The following PTPN13 variants were observed in gnomAD, a reference collection of about 807,000 sequenced individuals.
PTPN13 encodes tyrosine-protein phosphatase non-receptor type 13.
In PTPN13, 191 loss-of-function variants were observed where a neutral mutation model predicts 284.0. The observed-to-expected ratio is 0.67, with a 90% CI of 0.60 to 0.76. The LOEUF (loss-of-function observed/expected upper bound fraction) is 0.76. Among genes scored for constraint, PTPN13 ranks in the 30% least tolerant of loss-of-function variants. The probability of loss-of-function intolerance (pLI) is 0.00; values close to 1 mark genes in which losing one functional copy is unlikely to be tolerated. For missense variants in PTPN13, 2,797 were observed against 2,939.9 expected (o/e 0.95, Z 1.12); for synonymous variants, 986 against 1,022.3 (o/e 0.96, Z 0.68).
At chr4:86,723,401 A>G (rs903019874) in intron 10 of PTPN13, among the ~76,000 whole-genome samples, 8 of 152,284 alleles carry the variant, frequency 5.3e-5, no homozygotes, top group African/African-American at 1.4e-4. Flanking sequence ...ACTGCGTTGC[A>G]TGTTCCTTAT....
chr4:86,732,839 A>G lies in PTPN13; in HGVS notation c.1858+73A>G, dbSNP rs145513257. The stretch of plus-strand genomic sequence containing the variant: ...AAGCAGACTTCCTATGTTTGTTACC[A>G]TGCCTGACCTCATTTTGACAATTAG... On this transcript the variant is annotated intron_variant, in intron 12 of 47. Transcript: ENST00000411767. The G allele has an allele frequency of 3.1e-6, 4 of 1,308,604 alleles. No individual in the cohort carries two copies. In the African/African-American group the frequency reaches 4.4e-5, roughly 14 times the overall value. 81.1% of individuals were successfully genotyped at this position (1,308,604 alleles called of 1,614,324 possible). A position where few individuals can be genotyped will look rare whatever the true frequency, so the allele number is the denominator to read the frequency against.
At chr4:86,688,492 T>A (rs1729669617) in intron 4 of PTPN13, among the ~76,000 whole-genome samples, 1 of 151,956 alleles carries the variant, frequency 6.6e-6, no homozygotes. Flanking sequence ...AAAAAAACCC[T>A]CACATTCTGG....
intron 20 of PTPN13, among the ~76,000 whole-genome samples, chr4:86,755,033 G>A (rs576728891): frequency 6.6e-6 from 1 of 152,064 alleles, no homozygotes; most frequent in Admixed American, 6.6e-5. Flanking sequence ...TGTAACTAAG[G>A]ATCAAAAAGT....
At chr4:86,674,546 T>C (rs112042067) in intron 3 of PTPN13, among the ~76,000 whole-genome samples, 1 of 152,192 alleles carries the variant, frequency 6.6e-6, no homozygotes, top group African/African-American at 2.4e-5. Flanking sequence ...GAAAAAAGAC[T>C]GACAAGAATT....
At chr4:86,628,002 A>G (rs1722030851) in intron 1 of PTPN13, among the ~76,000 whole-genome samples, 3 of 152,154 alleles carry the variant, frequency 2.0e-5, no homozygotes, top group South Asian at 4.1e-4. Context: ...AGCTGTTACA[A>G]TTAAAACTGC....
chr4:86,685,077 T>C (rs184931511), intron 3 of PTPN13, among the ~76,000 whole-genome samples: 27 of 152,338 alleles, frequency 1.8e-4, no homozygotes, highest in African/African-American at 4.1e-4. Context: ...AATCTCCTTA[T>C]CTACTCAACA....
At chr4:86,615,855 C>T (rs1720489382) in intron 1 of PTPN13, among the ~76,000 whole-genome samples, 1 of 152,176 alleles carries the variant, frequency 6.6e-6, no homozygotes, top group Non-Finnish European at 1.5e-5. Context: ...ATCTCCTACT[C>T]TCTTCCCCAA....
At chr4:86,625,159 G>A (rs1721690026) in intron 1 of PTPN13, among the ~76,000 whole-genome samples, 1 of 152,008 alleles carries the variant, frequency 6.6e-6, no homozygotes, top group Non-Finnish European at 1.5e-5. Context: ...TTTACCTATT[G>A]CTTACCCACC....
intron 41 of PTPN13, among the ~76,000 whole-genome samples, chr4:86,798,452 T>C (rs544897135): frequency 1.9e-4 from 29 of 152,242 alleles, no homozygotes; most frequent in Admixed American, 5.9e-4. Context: ...CTCTGCTTTG[T>C]TCCCCCTGAA....
chr4:86,729,415 G>C lies in PTPN13; in HGVS notation c.1609-2985G>C, dbSNP rs533124172. ...TTTCTAGGTTGGAGAAGTTCTCCTG[G>C]ATAATATCCTGCAGAGTGTTTTCCA... On this transcript the variant is annotated intron_variant, in intron 10 of 47. Coordinates refer to ENST00000411767, the MANE Select transcript of PTPN13 (RefSeq NM_080683.3). Among the ~76,000 whole-genome samples, 62 of 149,612 alleles carry C rather than the reference G, an allele frequency of 4.1e-4. 2 individuals are homozygous for C. Among genetic ancestry groups the C allele is most frequent in the African/African-American group, 1.5e-3 (61 of 41,064 alleles).
intron 2 of PTPN13, among the ~76,000 whole-genome samples, chr4:86,660,816 TTTTAA>T (rs1328143322): frequency 6.6e-6 from 1 of 152,168 alleles, no homozygotes. Flanking sequence ...ATACACTGTG[TTTTAA>T]TTTAAAACTA....
intron 43 of PTPN13, among the ~76,000 whole-genome samples, chr4:86,804,531 C>T (rs138606613): frequency 1.1e-4 from 16 of 152,276 alleles, no homozygotes; most frequent in African/African-American, 3.4e-4. Flanking sequence ...CTCTTCTCAT[C>T]GCCATGCTAT....
intron 1 of PTPN13, among the ~76,000 whole-genome samples, chr4:86,615,843 A>G (rs957958787): frequency 6.6e-6 from 1 of 152,230 alleles, no homozygotes; most frequent in African/African-American, 2.4e-5. Flanking sequence ...GATAGACATC[A>G]TATCTCCTAC....
At chr4:86,658,702 A>T (rs1414498367) in intron 2 of PTPN13, among the ~76,000 whole-genome samples, 1 of 152,226 alleles carries the variant, frequency 6.6e-6, no homozygotes, top group Non-Finnish European at 1.5e-5. Flanking sequence ...AGGAAAACCA[A>T]GAGGATAGGA....
At chr4:86,683,854 T>C (rs1729159387) in intron 3 of PTPN13, among the ~76,000 whole-genome samples, 1 of 152,170 alleles carries the variant, frequency 6.6e-6, no homozygotes, top group Non-Finnish European at 1.5e-5. Context: ...AAAATTAATA[T>C]AATTGAGCAT....
chr4:86,796,140 G>A (rs1248656631), intron 40 of PTPN13, among the ~76,000 whole-genome samples: 1 of 152,138 alleles, frequency 6.6e-6, no homozygotes. Flanking sequence ...TAAAGTATGA[G>A]TTGACTAATC....
intron 1 of PTPN13, chr4:86,595,751 A>C: frequency 1.0e-6 from 1 of 985,816 alleles, no homozygotes; most frequent in Non-Finnish European, 1.2e-6. Context: ...CCTGAACAAA[A>C]TGTAGGACAC....
At chr4:86,797,037 TA>T in intron 41 of PTPN13, 108 bp downstream of exon 41, 1 of 791,872 alleles carries the variant, frequency 1.3e-6, no homozygotes, top group Non-Finnish European at 2.0e-6. Context: ...GAGTAGATTA[TA>T]AAACTATGGT....
intron 20 of PTPN13, among the ~76,000 whole-genome samples, chr4:86,754,493 A>AT (rs1324209797): frequency 6.6e-6 from 1 of 151,776 alleles, no homozygotes; most frequent in Non-Finnish European, 1.5e-5. Flanking sequence ...TGTTAATGTT[A>AT]TTTTTTTTCA....
Sources: allele counts gnomAD v4.1 joint callset (sites outside exome capture counted in the v4.1 genomes callset), GRCh38; gene constraint gnomAD v4.1.1; transcripts MANE v1.5; gene names NCBI Gene and HGNC (gene_info 2026-07-23, HGNC 2026-07-21).